CNTNAP2: variants seen among roughly 807,000 people sequenced by gnomAD.
CNTNAP2 encodes contactin associated protein 2.
A neutral mutation model predicts 155.2 loss-of-function variants in CNTNAP2; 98 were observed. That is an observed-to-expected ratio of 0.63 (90% confidence interval 0.54 to 0.75). The LOEUF (loss-of-function observed/expected upper bound fraction) is 0.75, where lower values mean the gene tolerates loss of function less well. Among genes scored for constraint, CNTNAP2 ranks in the 30% least tolerant of loss-of-function variants. The pLI, the probability that CNTNAP2 is intolerant of heterozygous loss-of-function variation, is 0.00. For missense variants in CNTNAP2, 1,727 were observed against 1,688.1 expected (o/e 1.02, Z -0.40); for synonymous variants, 651 against 631.2 (o/e 1.03, Z -0.47).
intron 1 of CNTNAP2, among the ~76,000 whole-genome samples, chr7:146,365,301 A>C (rs545688742): frequency 2.6e-5 from 4 of 152,272 alleles, no homozygotes; most frequent in African/African-American, 9.6e-5. Context: ...GACCCTCAGC[A>C]GGGCCCACAG....
chr7:147,074,326 AGAT>A (rs1799954924), intron 4 of CNTNAP2, among the ~76,000 whole-genome samples: 1 of 152,094 alleles, frequency 6.6e-6, no homozygotes, highest in African/African-American at 2.4e-5. Flanking sequence ...TCCCCATTAC[AGAT>A]GATGTGCCTC....
rs146159757 is a variant in CNTNAP2 at position 146,871,900 on chromosome 7, A to G, written c.402+31996A>G. On this transcript the variant is annotated intron_variant, in intron 3 of 23. Coordinates refer to ENST00000361727, the MANE Select transcript of CNTNAP2 (RefSeq NM_014141.6). ...CACAGAACTATAACTCTTTTGTTTTACAACTTGATACATCACATATTGCTA... is the reference window on the plus strand; with the variant it reads ...CACAGAACTATAACTCTTTTGTTTTGCAACTTGATACATCACATATTGCTA... Among the ~76,000 whole-genome samples, 991 of 152,218 alleles carry G rather than the reference A, an allele frequency of 6.5e-3. 8 individuals are homozygous for G. The highest frequency in any genetic ancestry group is 0.022 in the African/African-American group (908 of 41,558).
At chr7:147,231,338 CACTT>C (rs1376258409) in intron 8 of CNTNAP2, among the ~76,000 whole-genome samples, 9 of 152,304 alleles carry the variant, frequency 5.9e-5, no homozygotes, top group Admixed American at 1.3e-4. Flanking sequence ...CTGTGACTGA[CACTT>C]AGGTTGTTTC....
At chr7:146,784,055 G>C (rs947803254) in intron 2 of CNTNAP2, among the ~76,000 whole-genome samples, 2 of 152,130 alleles carry the variant, frequency 1.3e-5, no homozygotes, top group African/African-American at 4.8e-5. Context: ...AATAAGTCTA[G>C]TGATTTTTAG....
chr7:146,970,419 T>C (rs1464164988), intron 3 of CNTNAP2, among the ~76,000 whole-genome samples: 2 of 152,116 alleles, frequency 1.3e-5, no homozygotes, highest in African/African-American at 2.4e-5. Flanking sequence ...CAGACACTTC[T>C]CAAAAGAAGA....
chr7:147,419,195 G>A (rs575831661), intron 10 of CNTNAP2, among the ~76,000 whole-genome samples: 38 of 152,220 alleles, frequency 2.5e-4, no homozygotes, highest in Middle Eastern at 3.4e-3. Context: ...TCCCAGGGAG[G>A]AGAATCCAGG....
chr7:147,345,113 C>T (rs1023936081), intron 9 of CNTNAP2, among the ~76,000 whole-genome samples: 3 of 152,016 alleles, frequency 2.0e-5, no homozygotes, highest in South Asian at 2.1e-4. Context: ...ACTCATAATG[C>T]ATCCTGAAAT....
intron 3 of CNTNAP2, among the ~76,000 whole-genome samples, chr7:146,918,725 T>G (rs149247058): frequency 2.6e-5 from 4 of 152,328 alleles, no homozygotes; most frequent in African/African-American, 9.6e-5. Flanking sequence ...GATGTCTAGA[T>G]CCCCAGCAAG....
At chr7:147,980,259 C>T (rs1801498384) in intron 15 of CNTNAP2, among the ~76,000 whole-genome samples, 1 of 118,700 alleles carries the variant, frequency 8.4e-6, no homozygotes, top group Admixed American at 8.9e-5. Flanking sequence ...TTCAGGCAGA[C>T]TTTCTTTTTA....
intron 13 of CNTNAP2, among the ~76,000 whole-genome samples, chr7:147,729,420 A>G (rs77328689): frequency 0.3 from 9,847 of 33,204 alleles, 360 homozygotes; most frequent in South Asian, 0.44. Context: ...ACACACGCAC[A>G]CACACACGCA....
chr7:147,694,124 TCTTC>T (rs1796129658), intron 13 of CNTNAP2, among the ~76,000 whole-genome samples: 1 of 150,108 alleles, frequency 6.7e-6, no homozygotes, highest in Admixed American at 6.6e-5. Context: ...ATGTGATTTC[TCTTC>T]CTTAACCCAT....
intron 4 of CNTNAP2, among the ~76,000 whole-genome samples, chr7:147,067,800 G>T (rs1231204098): frequency 6.6e-6 from 1 of 152,200 alleles, no homozygotes; most frequent in African/African-American, 2.4e-5. Flanking sequence ...CCTCAGCTCA[G>T]TGCCACACTT....
At chr7:147,074,395 C>T (rs1415704775) in intron 4 of CNTNAP2, among the ~76,000 whole-genome samples, 1 of 152,112 alleles carries the variant, frequency 6.6e-6, no homozygotes, top group Admixed American at 6.6e-5. Flanking sequence ...GGCACTGCTA[C>T]CAATCCATCT....
intron 3 of CNTNAP2, among the ~76,000 whole-genome samples, chr7:146,844,835 AAC>A (rs1206422778): frequency 6.6e-6 from 1 of 152,144 alleles, no homozygotes; most frequent in East Asian, 1.9e-4. Flanking sequence ...TATTTTTAAA[AAC>A]AGTTTTGATC....
intron 1 of CNTNAP2, among the ~76,000 whole-genome samples, chr7:146,743,093 T>C (rs1284858713): frequency 6.6e-6 from 1 of 152,184 alleles, no homozygotes; most frequent in East Asian, 1.9e-4. Flanking sequence ...ATGCTATTTC[T>C]TTTCTGGAAT....
At chr7:148,200,525 G>T (rs1000875546) in intron 18 of CNTNAP2, among the ~76,000 whole-genome samples, 1 of 151,536 alleles carries the variant, frequency 6.6e-6, no homozygotes, top group Admixed American at 6.6e-5. Context: ...CTCCTGAGTA[G>T]CAGGGATTAC....
At chr7:146,125,581 CAAAAAA>C (rs57234097) in intron 1 of CNTNAP2, among the ~76,000 whole-genome samples, 2 of 58,880 alleles carry the variant, frequency 3.4e-5, no homozygotes, top group Non-Finnish European at 6.2e-5. Context: ...ACTCCGTCTC[CAAAAAA>C]AAAAAAAAAA....
intron 1 of CNTNAP2, among the ~76,000 whole-genome samples, chr7:146,716,614 G>A (rs1801193385): frequency 6.6e-6 from 1 of 152,132 alleles, no homozygotes; most frequent in Non-Finnish European, 1.5e-5. Flanking sequence ...AACATTTTAG[G>A]AGTCTATCAT....
chr7:147,567,788 T>TA lies in CNTNAP2; in HGVS notation c.1897+5541dup, dbSNP rs200558604. Among the ~76,000 whole-genome samples, 89 of 149,904 alleles carry TA rather than the reference T, an allele frequency of 5.9e-4. 2 individuals are homozygous for TA. In the East Asian group the frequency reaches 0.014, roughly 24 times the overall value. On this transcript the variant is annotated intron_variant, in intron 12 of 23. Coordinates refer to ENST00000361727, the MANE Select transcript of CNTNAP2 (RefSeq NM_014141.6). ...AGTCACTGTAGGACCTTGAACACAT[T>TA]AAAAAAAAAATCTTTGGCCGGGCAC... is the stretch of plus-strand genomic sequence containing the variant.
Sources: gnomAD v4.1 joint callset for allele counts (sites outside exome capture counted in the v4.1 genomes callset) on GRCh38, gnomAD v4.1.1 for gene constraint, MANE v1.5 for transcripts, NCBI Gene and HGNC (gene_info 2026-07-23, HGNC 2026-07-21) for gene names.